Variants in FHIT observed in about 807,000 individuals in gnomAD.
FHIT encodes the protein bis(5'-adenosyl)-triphosphatase.
In FHIT, 19 loss-of-function variants were observed where a neutral mutation model predicts 17.9. The observed-to-expected ratio is 1.06, with a 90% confidence interval of 0.74 to 1.56. The LOEUF (loss-of-function observed/expected upper bound fraction) is 1.56. FHIT is among the 40% of genes most tolerant of loss of function. The probability of loss-of-function intolerance (pLI) is 0.00; values close to 1 mark genes in which losing one functional copy is unlikely to be tolerated. For synonymous variants in FHIT, 81 were observed against 69.7 expected (o/e 1.16, Z -0.81); for missense variants, 248 against 189.2 (o/e 1.31, Z -1.82).
intron 4 of FHIT, among the ~76,000 whole-genome samples, chr3:60,809,128 G>A (rs1268893691): frequency 6.6e-6 from 1 of 152,106 alleles, no homozygotes; most frequent in African/African-American, 2.4e-5. Context: ...GTCTCTAAGA[G>A]TAGACATTTT....
At chr3:59,929,371 T>TTG (rs1559740365) in intron 7 of FHIT, among the ~76,000 whole-genome samples, 2 of 134,348 alleles carry the variant, frequency 1.5e-5, no homozygotes, top group African/African-American at 2.8e-5. Context: ...TGGTTTTTTT[T>TTG]TTTTTTTTTT....
intron 3 of FHIT, among the ~76,000 whole-genome samples, chr3:60,995,488 C>T (rs2030604842): frequency 6.6e-6 from 1 of 152,172 alleles, no homozygotes; most frequent in Non-Finnish European, 1.5e-5. Context: ...AGATTTACCT[C>T]TTCCTCCTCC....
chr3:60,681,975 T>A (rs1298917048), intron 4 of FHIT, among the ~76,000 whole-genome samples: 31 of 124,076 alleles, frequency 2.5e-4, no homozygotes, highest in African/African-American at 3.4e-4. Context: ...AACAGCAGAT[T>A]TTTTTTTTTT....
intron 8 of FHIT, among the ~76,000 whole-genome samples, chr3:59,903,442 T>C (rs896660947): frequency 6.6e-6 from 1 of 152,212 alleles, no homozygotes; most frequent in Non-Finnish European, 1.5e-5. Flanking sequence ...ATTTTAATTG[T>C]ATCTAAATAA....
At chr3:59,771,674 G>T (rs1702080096) in intron 8 of FHIT, among the ~76,000 whole-genome samples, 1 of 152,194 alleles carries the variant, frequency 6.6e-6, no homozygotes, top group African/African-American at 2.4e-5. Context: ...GTCCTAAGAA[G>T]AATTACTTTC....
intron 3 of FHIT, among the ~76,000 whole-genome samples, chr3:61,025,436 C>T (rs1381517850): frequency 1.3e-5 from 2 of 152,198 alleles, no homozygotes; most frequent in East Asian, 3.8e-4. Context: ...ATGTGTGAAA[C>T]TCCAGCTTGA....
At chr3:60,747,104 G>C (rs1396799639) in intron 4 of FHIT, among the ~76,000 whole-genome samples, 1 of 149,584 alleles carries the variant, frequency 6.7e-6, no homozygotes, top group Non-Finnish European at 1.5e-5. Context: ...TAAGATCACA[G>C]TTCTGTGGTT....
At chr3:61,210,940 C>A (rs962426238) in intron 1 of FHIT, among the ~76,000 whole-genome samples, 5 of 152,030 alleles carry the variant, frequency 3.3e-5, no homozygotes, top group African/African-American at 1.2e-4. Flanking sequence ...ATTCGGTCAT[C>A]TTGGCTCCAT....
chr3:61,168,949 T>C (rs1411202790), intron 2 of FHIT, among the ~76,000 whole-genome samples: 1 of 148,072 alleles, frequency 6.8e-6, no homozygotes, highest in Non-Finnish European at 1.5e-5. Flanking sequence ...GCACACATAT[T>C]GATCTCTATG....
chr3:61,069,430 C>T (rs1270191977), intron 2 of FHIT, among the ~76,000 whole-genome samples: 3 of 152,136 alleles, frequency 2.0e-5, no homozygotes, highest in Non-Finnish European at 1.5e-5. Context: ...TGTGCTTTTC[C>T]CCCAACATCT....
chr3:61,022,104 C>T (rs561329893), intron 3 of FHIT, among the ~76,000 whole-genome samples: 8 of 151,826 alleles, frequency 5.3e-5, no homozygotes, highest in African/African-American at 1.7e-4. Flanking sequence ...GCTAGCCAGA[C>T]TAATAAAGAA....
At chr3:60,868,168 T>C (rs1291046766) in intron 3 of FHIT, among the ~76,000 whole-genome samples, 1 of 152,178 alleles carries the variant, frequency 6.6e-6, no homozygotes, top group Non-Finnish European at 1.5e-5. Flanking sequence ...AACAGGATTA[T>C]TGATGCCTTG....
intron 5 of FHIT, among the ~76,000 whole-genome samples, chr3:60,175,033 G>C (rs541466596): frequency 6.6e-6 from 1 of 152,152 alleles, no homozygotes; most frequent in Non-Finnish European, 1.5e-5. Flanking sequence ...AAAATCCTGA[G>C]ATATTGTTCT....
At chr3:61,105,342 ACTCAG>A (rs1402745991) in intron 2 of FHIT, among the ~76,000 whole-genome samples, 2 of 151,846 alleles carry the variant, frequency 1.3e-5, no homozygotes, top group Non-Finnish European at 2.9e-5. Context: ...GGGGGCCAAC[ACTCAG>A]CTTCCAACTC....
At chr3:59,751,117 A>C (rs1700872905) in intron 9 of FHIT, 1 of 180,618 alleles carries the variant, frequency 5.5e-6, no homozygotes, top group Non-Finnish European at 1.2e-5. Flanking sequence ...AAAAAATACA[A>C]GATACCAGTT....
At chr3:59,952,698 C>A (rs891370784) in intron 7 of FHIT, among the ~76,000 whole-genome samples, 3 of 152,206 alleles carry the variant, frequency 2.0e-5, no homozygotes, top group Non-Finnish European at 2.9e-5. Flanking sequence ...AACTGACCAA[C>A]CTTCAACAAA....
intron 1 of FHIT, among the ~76,000 whole-genome samples, chr3:61,241,271 A>G (rs2106921387): frequency 6.6e-6 from 1 of 152,250 alleles, no homozygotes; most frequent in South Asian, 2.1e-4. Flanking sequence ...TACTCTAAGC[A>G]GGTTCCAACC....
intron 5 of FHIT, among the ~76,000 whole-genome samples, chr3:60,059,244 C>A (rs922260098): frequency 6.6e-6 from 1 of 152,158 alleles, no homozygotes; most frequent in African/African-American, 2.4e-5. Flanking sequence ...GGCGAGTGAG[C>A]ACAAGCATGC....
chr3:60,860,473 T>TATATGATAC (rs1703677630), intron 3 of FHIT, among the ~76,000 whole-genome samples: 1 of 127,144 alleles, frequency 7.9e-6, no homozygotes. Context: ...TATATATGTA[T>TATATGATAC]ATATGATACA....
Sources: gnomAD v4.1 joint callset for allele counts (sites outside exome capture counted in the v4.1 genomes callset) on GRCh38, gnomAD v4.1.1 for gene constraint, MANE v1.5 for transcripts, NCBI Gene and HGNC (gene_info 2026-07-23, HGNC 2026-07-21) for gene names.